MCF2L2: variants seen among roughly 807,000 people sequenced by gnomAD.
The protein encoded by MCF2L2 is probable guanine nucleotide exchange factor MCF2L2.
A neutral mutation model predicts 150.2 loss-of-function variants in MCF2L2; 102 were observed. The observed-to-expected ratio is 0.68, with a 90% CI of 0.58 to 0.80. MCF2L2 has a LOEUF of 0.80. MCF2L2 is among the 30% of genes least tolerant of loss of function. MCF2L2 has a pLI of 0.00. For missense variants in MCF2L2, 1,256 were observed against 1,372.8 expected, an observed-to-expected ratio of 0.91 and a Z score of 1.34; for synonymous variants, 465 against 491.3, an observed-to-expected ratio of 0.95 and a Z score of 0.71.
chr3:183,229,515 C>T (rs1285054958), intron 17 of MCF2L2, 151 bp downstream of exon 17: 1 of 457,442 alleles, frequency 2.2e-6, no homozygotes. Context: ...CCCCTCCTTT[C>T]ACTCCAACCC....
intron 22 of MCF2L2, among the ~76,000 whole-genome samples, chr3:183,215,402 G>A (rs1722877393): frequency 6.6e-6 from 1 of 152,120 alleles, no homozygotes; most frequent in African/African-American, 2.4e-5. Flanking sequence ...TGCCTGGAAT[G>A]CCTGGGACCA....
intron 3 of MCF2L2, 123 bp downstream of exon 3, chr3:183,379,174 G>T: frequency 1.6e-6 from 1 of 612,650 alleles, no homozygotes; most frequent in Non-Finnish European, 2.7e-6. Flanking sequence ...AAGCCAGCTG[G>T]GTTATTATGC....
In MCF2L2 at chr3:183,179,379, GTCAGCTC is replaced by G. The variant is rs746933877; in HGVS notation, c.3339_3345del (p.Glu1113AspfsTer71). On this transcript the variant is annotated frameshift_variant and stop_lost, in exon 30 of 30. Coordinates refer to ENST00000328913, the MANE Select transcript of MCF2L2 (RefSeq NM_015078.4). LOFTEE classifies it high-confidence loss of function. The surrounding 1 kb of genome is among the most constrained non-coding windows in gnomAD (Gnocchi z 4.2). Reference sequence around the variant, plus strand: ...GAGGAGCGGGGGCGTCCGCAGGGAGGTCAGCTCTCCTGGGCGGAGGTCCTCGGGCGCA... The same window carrying G: ...GAGGAGCGGGGGCGTCCGCAGGGAGGTCCTGGGCGGAGGTCCTCGGGCGCA... 6.7e-7 allele frequency: 1 copy of G among 1,500,412 alleles called. No homozygotes were observed. The highest frequency in any genetic ancestry group is 1.3e-5 in the South Asian group (1 of 77,996). The allele number at this position is 1,500,412 out of a possible 1,614,324, so 92.9% of individuals were successfully genotyped here.
chr3:183,289,075 C>T, intron 14 of MCF2L2, 45 bp downstream of exon 14: 1 of 1,278,716 alleles, frequency 7.8e-7, no homozygotes, highest in Non-Finnish European at 1.1e-6. Flanking sequence ...CAGCAATCTT[C>T]CCTCTTGTCA....
rs200353022 is a variant in MCF2L2 at position 183,379,378 on chromosome 3, G to A, written c.194C>T (p.Thr65Met). ...TTTGAACCCCGAAAACTCTGGGAAC[G>A]TGATGATGGGGGCGCCATCCTCCCC... Reference protein sequence around the residue: ...GRGEDGAPIITFPEFSGFKHI... With the variant: ...GRGEDGAPIIMFPEFSGFKHI... Residue 65 changes from threonine to methionine, a missense_variant, in exon 3 of 30, where the codon ACG (threonine) becomes ATG (methionine). Thr to Met is a moderately conservative substitution (Grantham distance 81, BLOSUM62 -1). Transcript: ENST00000328913. 371 of 1,610,488 alleles carry A rather than the reference G, an allele frequency of 2.3e-4. 1 individual carries two copies. Among genetic ancestry groups the A allele is most frequent in the Admixed American group, 4.7e-4 (28 of 59,362 alleles).
intron 10 of MCF2L2, among the ~76,000 whole-genome samples, 174 bp from the exon 11 acceptor site, chr3:183,300,370 T>C (rs569710895): frequency 3.3e-5 from 5 of 152,206 alleles, no homozygotes; most frequent in South Asian, 2.1e-4. Flanking sequence ...AAGTTAAGCC[T>C]GGCCCAGAGT....
chr3:183,388,797 T>C (rs1236943680), intron 2 of MCF2L2, among the ~76,000 whole-genome samples: 1 of 152,152 alleles, frequency 6.6e-6, no homozygotes, highest in Non-Finnish European at 1.5e-5. Flanking sequence ...TCGCATCTCC[T>C]TCAAATCAGT....
rs137988043 is a variant in MCF2L2, at chr3:183,215,202, C to T, written c.2496+767G>A. On this transcript the variant is annotated intron_variant, in intron 22 of 29. Coordinates refer to ENST00000328913, the MANE Select transcript of MCF2L2 (RefSeq NM_015078.4). Reference sequence around the variant, plus strand: ...CTGTGTTGAACTTCTGACCTTGGAACTTCAAAATAATAATAATAATGAATT... The same window carrying T: ...CTGTGTTGAACTTCTGACCTTGGAATTTCAAAATAATAATAATAATGAATT... 5.1e-4 allele frequency among the ~76,000 whole-genome samples: 77 copies of T among 152,220 alleles called. 1 individual carries two copies. Among genetic ancestry groups the T allele is most frequent in the African/African-American group, 1.8e-3 (74 of 41,532 alleles).
At chr3:183,423,641 T>G (rs1265997576) in intron 1 of MCF2L2, among the ~76,000 whole-genome samples, 4 of 143,298 alleles carry the variant, frequency 2.8e-5, no homozygotes, top group East Asian at 2.0e-4. Context: ...TGTTTTTTTT[T>G]TTTTTTTTTT....
intron 14 of MCF2L2, among the ~76,000 whole-genome samples, chr3:183,288,696 G>T (rs1727936540): frequency 6.6e-6 from 1 of 151,986 alleles, no homozygotes; most frequent in Admixed American, 6.6e-5. Flanking sequence ...TAGCCAGACT[G>T]GTCTCAAACT....
In MCF2L2 at chr3:183,216,113, T is replaced by C; in HGVS notation, c.2371-19A>G. On this transcript the variant is annotated intron_variant, in intron 21 of 29. Transcript: ENST00000328913. ...GCCCATCCTGTGGAAAACAAATGCC[T>C]TGTTGGAAATCAAAAGTATACCATC... 6.2e-7 allele frequency: 1 copy of C among 1,610,772 alleles called. No individual in the cohort carries two copies. Among genetic ancestry groups the C allele is most frequent in the Non-Finnish European group, 8.5e-7 (1 of 1,178,440 alleles).
In MCF2L2 at chr3:183,267,915, T is replaced by C. The variant is rs139896119; in HGVS notation, c.1862+8957A>G. Among the ~76,000 whole-genome samples, 27 of 152,242 alleles carry C rather than the reference T, an allele frequency of 1.8e-4. No homozygotes were observed. The highest frequency in any genetic ancestry group is 3.5e-4 in the Non-Finnish European group (24 of 68,010). On this transcript the variant is annotated intron_variant, in intron 15 of 29. Transcript: ENST00000328913. This position sits in a 1 kb window ranked among gnomAD's most constrained non-coding sequence, Gnocchi z 5.5. ...CCGGCATGGTTCTTTGCACCAACAT[T>C]TGGGGAATGCCTACCAGGGGTCACA...
chr3:183,366,364 G>C (rs1020408162), intron 3 of MCF2L2, among the ~76,000 whole-genome samples: 5 of 152,178 alleles, frequency 3.3e-5, no homozygotes, highest in African/African-American at 4.8e-5. Context: ...TTACCGGCTG[G>C]GCGCGGTGGC....
At chr3:183,342,966 G>T (rs928096197) in intron 3 of MCF2L2, among the ~76,000 whole-genome samples, 3 of 152,112 alleles carry the variant, frequency 2.0e-5, no homozygotes, top group Admixed American at 6.6e-5. Context: ...GCATCATTGG[G>T]TTAATCGATT....
chr3:183,387,725 G>T (rs998380936), intron 2 of MCF2L2, among the ~76,000 whole-genome samples: 4 of 152,042 alleles, frequency 2.6e-5, no homozygotes, highest in African/African-American at 7.2e-5. Context: ...CTGAGGTCAG[G>T]AGTTCGAGAC....
chr3:183,179,046 A>C lies in MCF2L2; in HGVS notation c.*334T>G. On this transcript the variant is annotated 3_prime_UTR_variant, in exon 30 of 30. Transcript: ENST00000328913. The surrounding 1 kb of genome is among the most constrained non-coding windows in gnomAD (Gnocchi z 4.2). ...CTAGTGGGTAGAGGCCAGGGGTGCT[A>C]CTAAACATCCTACCGTGGGAGCACA... 4.0e-6 allele frequency: 1 copy of C among 247,348 alleles called. No individual in the cohort carries two copies. The highest frequency in any genetic ancestry group is 1.7e-4 in the South Asian group (1 of 5,906). 15.3% of individuals were successfully genotyped at this position (247,348 alleles called of 1,614,324 possible).
chr3:183,290,944 C>T (rs1728106073), intron 13 of MCF2L2, among the ~76,000 whole-genome samples: 1 of 152,208 alleles, frequency 6.6e-6, no homozygotes, highest in Non-Finnish European at 1.5e-5. Context: ...ATCTGATCTC[C>T]AGAGGCCCCT....
intron 3 of MCF2L2, among the ~76,000 whole-genome samples, chr3:183,356,621 A>C (rs897476230): frequency 2.0e-5 from 3 of 152,334 alleles, no homozygotes; most frequent in Non-Finnish European, 4.4e-5. Flanking sequence ...TACTGACCTC[A>C]ATTTCCTCCC....
rs1729899281 is a variant in MCF2L2, at chr3:183,323,469, C to T, written c.487-118G>A. 7.4e-6 allele frequency: 3 copies of T among 406,788 alleles called. No homozygotes were observed. The East Asian group carries it at 1.4e-4, about 19-fold the overall frequency. The allele number at this position is 406,788 out of a possible 1,614,324, so 25.2% of individuals were successfully genotyped here. A position where few individuals can be genotyped will look rare whatever the true frequency, so the allele number is the denominator to read the frequency against. On this transcript the variant is annotated intron_variant, in intron 5 of 29. Transcript: ENST00000328913. Reference sequence around the variant, plus strand: ...TTCTATTATTATTTAAATGATACTCCAACTTTGCTTTATCAGGCATTTATA... The same window carrying T: ...TTCTATTATTATTTAAATGATACTCTAACTTTGCTTTATCAGGCATTTATA...
Sources: gnomAD v4.1 joint callset for allele counts (sites outside exome capture counted in the v4.1 genomes callset) on GRCh38, gnomAD v4.1.1 for gene constraint, Gnocchi (gnomAD v3.1) non-coding constraint, MANE v1.5 for transcripts, NCBI Gene and HGNC (gene_info 2026-07-23, HGNC 2026-07-21) for gene names.